The following ETFDH variants were observed in gnomAD, a reference collection of about 807,000 sequenced individuals.
ETFDH encodes electron transfer flavoprotein dehydrogenase, also known as electron transfer flavoprotein-ubiquinone oxidoreductase, mitochondrial.
ETFDH carries 61 observed loss-of-function variants against 73.2 expected under a neutral mutation model. The observed-to-expected ratio is 0.83, with a 90% CI of 0.68 to 1.03. The LOEUF (loss-of-function observed/expected upper bound fraction) is 1.03. ETFDH is among the 50% of genes least tolerant of loss of function. The pLI is 0.00. For missense variants in ETFDH, 685 were observed against 745.0 expected (o/e 0.92, Z 0.94); for synonymous variants, 243 against 253.3 (o/e 0.96, Z 0.39).
At position 158,682,424 on chromosome 4, in the gene ETFDH, G is replaced by A. The variant is rs746571008; in HGVS notation, c.405G>A (p.Gly135=). The change falls in exon 3 of 13, where the codon GGG becomes GGA. Residue 135 remains glycine, a splice_region_variant and synonymous_variant. Transcript: ENST00000511912. ...KELFPDWKEK[G]APLNTPVTED... Reference sequence around the variant, plus strand: ...TCTTCCCAGACTGGAAAGAGAAGGGGGTATGAAAAATTGTTTTTTATACAA... The same window carrying A: ...TCTTCCCAGACTGGAAAGAGAAGGGAGTATGAAAAATTGTTTTTTATACAA... 9 of 1,611,188 alleles carry A rather than the reference G, an allele frequency of 5.6e-6. No individual in the cohort carries two copies. The Admixed American group carries it at 1.3e-4, about 24-fold the overall frequency.
intron 10 of ETFDH, among the ~76,000 whole-genome samples, chr4:158,704,767 T>C (rs1774563079): frequency 6.6e-6 from 1 of 152,172 alleles, no homozygotes; most frequent in South Asian, 2.1e-4. Flanking sequence ...TAAATGTTCC[T>C]CTAGTTAGAG....
intron 1 of ETFDH, among the ~76,000 whole-genome samples, chr4:158,675,202 G>GC (rs138275589): frequency 0.012 from 1,770 of 152,130 alleles, 27 homozygotes; most frequent in African/African-American, 0.038. Context: ...TCACTCCCAA[G>GC]CCCCTTCCAG....
chr4:158,697,649 T>G lies in ETFDH; in HGVS notation c.922T>G (p.Phe308Val), dbSNP rs1218671512. 6.2e-7 allele frequency: 1 copy of G among 1,613,306 alleles called. No homozygotes were observed. The highest frequency in any genetic ancestry group is 1.1e-5 in the South Asian group (1 of 91,068). The change falls in exon 8 of 13, where the codon TTC (phenylalanine) becomes GTC (valine). Residue 308 changes from phenylalanine (F) to valine (V), a missense_variant. Transcript: ENST00000511912. ...GGACAGACATACCTATGGAGGATCT[T>G]TCCTCTATCATTTGAATGAAGGTGA... ...PLDRHTYGGS[F>V]LYHLNEGEPL... is the part of the protein sequence containing the mutation.
intron 3 of ETFDH, among the ~76,000 whole-genome samples, chr4:158,683,603 A>G (rs7661803): frequency 1.8e-4 from 27 of 152,066 alleles, no homozygotes; most frequent in African/African-American, 6.3e-4. Context: ...TTTTTGAGAC[A>G]GGGTCTCACT....
rs574379164 is a variant in ETFDH at position 158,673,779 on chromosome 4, C to G, written c.34+1289C>G. 2.6e-5 allele frequency among the ~76,000 whole-genome samples: 4 copies of G among 152,280 alleles called. No individual in the cohort carries two copies. In the South Asian group the frequency reaches 8.3e-4, roughly 32 times the overall value. ...CCCAGTGCTAACCAAATTCCACTAC[C>G]ATTTCTGTTTTCTTTGGATGGCAAT... On this transcript the variant is annotated intron_variant, in intron 1 of 12. Transcript: ENST00000511912.
rs768961719 is a variant in ETFDH at position 158,706,836 on chromosome 4, G to C, written c.1676G>C (p.Arg559Pro). ...NLSIYDGPEQ[R>P]FCPAGVYEFV... Reference sequence around the variant, plus strand: ...TCGATATATGATGGGCCCGAGCAGCGATTCTGTCCTGCAGGTAATAATTTC... The same window carrying C: ...TCGATATATGATGGGCCCGAGCAGCCATTCTGTCCTGCAGGTAATAATTTC... The change falls in exon 12 of 13, where the codon CGA (arginine) becomes CCA (proline). Residue 559 changes from arginine to proline, a missense_variant. By Grantham distance (103) the Arg-to-Pro change is moderately radical (BLOSUM62 -2). Coordinates refer to ENST00000511912, the MANE Select transcript of ETFDH (RefSeq NM_004453.4). 1.3e-6 allele frequency: 2 copies of C among 1,596,206 alleles called. No homozygotes were observed.
At position 158,706,629 on chromosome 4, in the gene ETFDH, G is replaced by GT; in HGVS notation, c.1471dup (p.Ser491PhefsTer2). The GT allele has an allele frequency of 9.9e-6, 16 of 1,611,822 alleles. No individual in the cohort carries two copies. The highest frequency in any genetic ancestry group is 1.4e-5 in the Non-Finnish European group (16 of 1,178,002). Reference sequence around the variant, plus strand: ...AGCATTTCCCTCAAAATTGTTGAAGGTTCTGACTTTGAACGGCTCAAGCCA... The same window carrying GT: ...AGCATTTCCCTCAAAATTGTTGAAGGTTTCTGACTTTGAACGGCTCAAGCCA... On this transcript the variant is annotated frameshift_variant and splice_region_variant, in exon 12 of 13. Transcript: ENST00000511912. LOFTEE classifies it high-confidence loss of function.
chr4:158,708,472 A>C lies in ETFDH; in HGVS notation c.1799A>C (p.Asn600Thr). Residue 600 changes from asparagine to threonine, a missense_variant, in exon 13 of 13, where the codon AAT becomes ACT. By Grantham distance (65) the Asn-to-Thr change is moderately conservative. Transcript: ENST00000511912. Reference protein sequence around the residue: ...KTCDIKDPSQNINWVVPEGGG... With the variant: ...KTCDIKDPSQTINWVVPEGGG... ...TGTGATATTAAAGATCCAAGTCAGA[A>C]TATTAACTGGGTGGTACCTGAAGGT... is the stretch of plus-strand genomic sequence containing the variant. The C allele has an allele frequency of 6.2e-7, 1 of 1,613,344 alleles. No individual in the cohort carries two copies. The highest frequency in any genetic ancestry group is 1.3e-5 in the African/African-American group (1 of 75,036).
At chr4:158,696,585 A>G (rs1018547689) in intron 7 of ETFDH, among the ~76,000 whole-genome samples, 1 of 152,198 alleles carries the variant, frequency 6.6e-6, no homozygotes, top group African/African-American at 2.4e-5. Context: ...AGTCTATATA[A>G]AACTAGATTC....
At chr4:158,694,291 CAAATTA>C (rs1774252658) in intron 6 of ETFDH, among the ~76,000 whole-genome samples, 1 of 151,942 alleles carries the variant, frequency 6.6e-6, no homozygotes, top group African/African-American at 2.4e-5. Context: ...CAGGGAAATG[CAAATTA>C]AAATAGTATT....
At chr4:158,692,065 CAGCA>C (rs1248259335) in intron 6 of ETFDH, among the ~76,000 whole-genome samples, 1 of 152,168 alleles carries the variant, frequency 6.6e-6, no homozygotes, top group Non-Finnish European at 1.5e-5. Context: ...CAGTCTCTTC[CAGCA>C]GATTTTCTCC....
At chr4:158,686,740 T>G (rs917022682) in intron 5 of ETFDH, among the ~76,000 whole-genome samples, 3 of 152,176 alleles carry the variant, frequency 2.0e-5, no homozygotes, top group African/African-American at 7.2e-5. Context: ...GAAAGAGGGA[T>G]GGGAGAAGGT....
At position 158,672,356 on chromosome 4, in the gene ETFDH, G is replaced by A; in HGVS notation, c.-101G>A. 2 of 1,206,566 alleles carry A rather than the reference G, an allele frequency of 1.7e-6. No individual in the cohort carries two copies. Among genetic ancestry groups the A allele is most frequent in the Admixed American group, 1.7e-5 (1 of 59,476 alleles). 74.7% of individuals were successfully genotyped at this position (1,206,566 alleles called of 1,614,324 possible). On this transcript the variant is annotated 5_prime_UTR_variant, in exon 1 of 13. Transcript: ENST00000511912. ...ACTGCAGCAGAGTTCTTGCTTTCCGGCAGGTGATGGCGCCCCCCGCGGCCT... is the reference window on the plus strand; with the variant it reads ...ACTGCAGCAGAGTTCTTGCTTTCCGACAGGTGATGGCGCCCCCCGCGGCCT...
intron 1 of ETFDH, among the ~76,000 whole-genome samples, chr4:158,675,460 G>A (rs774412929): frequency 6.6e-6 from 1 of 151,892 alleles, no homozygotes; most frequent in Non-Finnish European, 1.5e-5. Flanking sequence ...TCTACTTTTT[G>A]GCTGTTATAA....
In ETFDH at chr4:158,697,542, G is replaced by C. The variant is rs1166869045; in HGVS notation, c.832-17G>C. On this transcript the variant is annotated splice_polypyrimidine_tract_variant and intron_variant, in intron 7 of 12. Transcript: ENST00000511912. Reference sequence around the variant, plus strand: ...AAAATACTGCAGGACTTTTTTGTTTGCTTTTTTTTTTTTTAGTTATGGGTT... The same window carrying C: ...AAAATACTGCAGGACTTTTTTGTTTCCTTTTTTTTTTTTTAGTTATGGGTT... 1 of 1,555,252 alleles carries C rather than the reference G, an allele frequency of 6.4e-7. No homozygotes were observed. Among genetic ancestry groups the C allele is most frequent in the Non-Finnish European group, 8.8e-7 (1 of 1,137,818 alleles).
rs1773824354 is a variant in ETFDH, at chr4:158,680,478, T to A, written c.46T>A (p.Phe16Ile). The A allele has an allele frequency of 1.2e-6, 2 of 1,605,948 alleles. No homozygotes were observed. Among genetic ancestry groups the A allele is most frequent in the Non-Finnish European group, 8.5e-7 (1 of 1,172,686 alleles). ...AKLSCLAYQCFHALKIKKNYL... is the reference protein window; with the variant it reads ...AKLSCLAYQCIHALKIKKNYL... ...TAATTTTTGTGCAGCATATCAGTGCTTTCATGCCTTAAAAATTAAGAAAAA... is the reference window on the plus strand; with the variant it reads ...TAATTTTTGTGCAGCATATCAGTGCATTCATGCCTTAAAAATTAAGAAAAA... The change falls in exon 2 of 13, where the codon TTT (phenylalanine) becomes ATT (isoleucine). Residue 16 changes from phenylalanine (F) to isoleucine (I), a missense_variant. Physicochemically the swap from Phe to Ile is conservative, Grantham distance 21. Around this residue, in one of 3 missense-constraint regions of ETFDH, gnomAD observed 405 missense variants for 399.3 expected, o/e 1.01. Coordinates refer to ENST00000511912, the MANE Select transcript of ETFDH (RefSeq NM_004453.4).
At chr4:158,682,152 G>A in intron 2 of ETFDH, 43 bp from the exon 3 acceptor site, 2 of 1,611,302 alleles carry the variant, frequency 1.2e-6, no homozygotes, top group Non-Finnish European at 1.7e-6. Context: ...TTTATCATGT[G>A]ATTATTGGGT....
At chr4:158,682,621 C>A (rs887922398) in intron 3 of ETFDH, among the ~76,000 whole-genome samples, 197 bp downstream of exon 3, 4 of 151,860 alleles carry the variant, frequency 2.6e-5, no homozygotes, top group Non-Finnish European at 4.4e-5. Context: ...GCAACCTCCA[C>A]CTCCCAGGTT....
chr4:158,683,349 C>A (rs1773912017), intron 3 of ETFDH, among the ~76,000 whole-genome samples: 1 of 152,098 alleles, frequency 6.6e-6, no homozygotes, highest in Admixed American at 6.5e-5. Flanking sequence ...TTGCAAAGAT[C>A]AAAAATTATA....
Sources: gnomAD v4.1 joint callset for allele counts (sites outside exome capture counted in the v4.1 genomes callset) on GRCh38, gnomAD v4.1.1 for gene constraint, gnomAD v4.1.1 regional missense constraint, MANE v1.5 for transcripts, NCBI Gene and HGNC (gene_info 2026-07-23, HGNC 2026-07-21) for gene names.